Variants in ANXA8 observed in about 807,000 individuals in gnomAD.
ANXA8 encodes the protein VAC-beta.
A neutral mutation model predicts 26.8 loss-of-function variants in ANXA8; 9 were observed. The observed-to-expected ratio is 0.34, with a 90% CI of 0.20 to 0.59. ANXA8 has a LOEUF of 0.59. Among genes scored for constraint, ANXA8 ranks in the 20% least tolerant of loss-of-function variants. The pLI is 0.84. For synonymous variants in ANXA8, 39 were observed against 94.8 expected, an observed-to-expected ratio of 0.41 and a Z score of 3.42; for missense variants, 83 against 238.5, an observed-to-expected ratio of 0.35 and a Z score of 4.29.
At chr10:47,693,130 T>C in the ANXA8 span, among the ~76,000 whole-genome samples, 2 of 151,638 alleles carry the variant, frequency 1.3e-5, no homozygotes, top group Non-Finnish European at 2.9e-5. Context: ...AGGAAGTTGA[T>C]TAAGCTTAAT....
chr10:47,982,758 A>T, the ANXA8 span, among the ~76,000 whole-genome samples: 2 of 136,722 alleles, frequency 1.5e-5, no homozygotes, highest in African/African-American at 5.3e-5. Flanking sequence ...CCATCAAGAA[A>T]GTCAAAAAGC....
the ANXA8 span, among the ~76,000 whole-genome samples, chr10:47,947,597 A>C: frequency 2.7e-5 from 4 of 150,696 alleles, no homozygotes; most frequent in Non-Finnish European, 4.4e-5. Context: ...TGTTCTTGTG[A>C]TAGTGAGTGA....
chr10:47,644,593 A>G, the ANXA8 span, among the ~76,000 whole-genome samples: 1 of 152,096 alleles, frequency 6.6e-6, no homozygotes, highest in African/African-American at 2.4e-5. Context: ...CTTGCTTTTT[A>G]AAACGTATGT....
At chr10:47,680,294 A>G in the ANXA8 span, among the ~76,000 whole-genome samples, 1 of 151,944 alleles carries the variant, frequency 6.6e-6, no homozygotes, top group Non-Finnish European at 1.5e-5. Context: ...ATGTTCTTTC[A>G]CTAACTGCTC....
At chr10:47,647,290 C>T in the ANXA8 span, among the ~76,000 whole-genome samples, 3 of 151,390 alleles carry the variant, frequency 2.0e-5, no homozygotes, top group African/African-American at 7.3e-5. Flanking sequence ...TTCTTTTATA[C>T]TTTTTTTTGT....
At chr10:47,970,029 G>A in the ANXA8 span, 21 of 151,534 alleles carry the variant, frequency 1.4e-4, no homozygotes, top group African/African-American at 4.6e-4. Flanking sequence ...AGGAAGAACA[G>A]GAGAGGAGGA....
At chr10:47,693,854 A>C in the ANXA8 span, among the ~76,000 whole-genome samples, 1 of 152,026 alleles carries the variant, frequency 6.6e-6, no homozygotes, top group Non-Finnish European at 1.5e-5. Flanking sequence ...AAATGAAAAA[A>C]AAATGTTTTT....
At chr10:47,697,379 A>G in the ANXA8 span, among the ~76,000 whole-genome samples, 1 of 152,022 alleles carries the variant, frequency 6.6e-6, no homozygotes, top group African/African-American at 2.4e-5. Context: ...TAGTAATATT[A>G]GAGGGAGAAA....
the ANXA8 span, among the ~76,000 whole-genome samples, chr10:47,518,779 A>AT: frequency 9.0e-5 from 12 of 133,662 alleles, no homozygotes; most frequent in South Asian, 2.4e-4. Context: ...TCAAAAAATC[A>AT]TTTTTTTTCC....
At chr10:47,600,750 G>GTTCA in the ANXA8 span, among the ~76,000 whole-genome samples, 1 of 133,384 alleles carries the variant, frequency 7.5e-6, no homozygotes. Flanking sequence ...GAAAGTTCAG[G>GTTCA]TTCACCCTTA....
chr10:47,755,307 A>G, the ANXA8 span, among the ~76,000 whole-genome samples: 6 of 149,996 alleles, frequency 4.0e-5, no homozygotes, highest in Non-Finnish European at 4.5e-5. Flanking sequence ...CCAGGCTGGA[A>G]TGCAGTGGTG....
At chr10:47,733,211 T>TCTCTCTCTCTC in the ANXA8 span, among the ~76,000 whole-genome samples, 4 of 82,350 alleles carry the variant, frequency 4.9e-5, no homozygotes, top group African/African-American at 1.3e-4. Context: ...CTTTCTTTCT[T>TCTCTCTCTCTC]TCTTTCTTTC....
chr10:47,743,297 C>CAT, the ANXA8 span, among the ~76,000 whole-genome samples: 132 of 57,064 alleles, frequency 2.3e-3, 1 homozygote, highest in African/African-American at 7.1e-3. Context: ...TATATATACA[C>CAT]ATATATATAT....
the ANXA8 span, among the ~76,000 whole-genome samples, chr10:47,517,506 A>G: frequency 6.8e-6 from 1 of 147,820 alleles, no homozygotes; most frequent in South Asian, 2.1e-4. Context: ...TCCTGACCTC[A>G]GATGATCAGC....
the ANXA8 span, among the ~76,000 whole-genome samples, chr10:47,953,926 T>C: frequency 2.7e-5 from 4 of 149,872 alleles, no homozygotes; most frequent in Admixed American, 2.7e-4. Context: ...AAGTGAACCC[T>C]TATACACTGT....
At chr10:47,969,551 C>T in the ANXA8 span, among the ~76,000 whole-genome samples, 1 of 145,442 alleles carries the variant, frequency 6.9e-6, no homozygotes, top group East Asian at 2.0e-4. Context: ...CTTCTAGAAG[C>T]TGATGGAGTT....
the ANXA8 span, among the ~76,000 whole-genome samples, chr10:47,688,644 A>C: frequency 6.9e-6 from 1 of 145,684 alleles, no homozygotes; most frequent in Admixed American, 6.8e-5. Context: ...CTGGTCTTGA[A>C]CTCCTGACCT....
chr10:47,670,673 GTC>G, the ANXA8 span, among the ~76,000 whole-genome samples: 1 of 151,874 alleles, frequency 6.6e-6, no homozygotes, highest in South Asian at 2.1e-4. Context: ...TTGGAGAAAT[GTC>G]TGTTTAAGTC....
At chr10:47,526,220 T>G in the ANXA8 span, among the ~76,000 whole-genome samples, 1 of 127,968 alleles carries the variant, frequency 7.8e-6, no homozygotes, top group Admixed American at 8.0e-5. Context: ...TTCAAGTGCC[T>G]AAGCCTCCCA....
Sources: gnomAD v4.1 joint callset for allele counts (sites outside exome capture counted in the v4.1 genomes callset) on GRCh38, gnomAD v4.1.1 for gene constraint, MANE v1.5 for transcripts, NCBI Gene and HGNC (gene_info 2026-07-23, HGNC 2026-07-21) for gene names.